The following MICAL2 variants were observed in gnomAD, a reference collection of about 807,000 sequenced individuals.
MICAL2 encodes the protein microtubule associated monooxygenase, calponin and LIM domain containing 2.
Under a neutral mutation model 127.3 loss-of-function variants are expected in MICAL2, and 77 were observed. The ratio of observed to expected loss-of-function variants is 0.60; its 90% CI spans 0.50 to 0.73. MICAL2 has a LOEUF of 0.73. Among genes scored for constraint, MICAL2 ranks in the 30% least tolerant of loss-of-function variants. MICAL2 has a pLI of 0.00. For synonymous variants in MICAL2, 570 were observed against 551.1 expected (o/e 1.03, Z -0.48); for missense variants, 1,351 against 1,434.4 (o/e 0.94, Z 0.94).
intron 31 of MICAL2, among the ~76,000 whole-genome samples, chr11:12,325,054 C>T (rs1214539369): frequency 6.6e-6 from 1 of 152,092 alleles, no homozygotes; most frequent in Non-Finnish European, 1.5e-5. Flanking sequence ...CTGCTGGCAC[C>T]CATAGCAGCC....
intron 1 of MICAL2, among the ~76,000 whole-genome samples, chr11:12,277,384 C>T (rs1125743): frequency 6.6e-6 from 1 of 151,822 alleles, no homozygotes; most frequent in Non-Finnish European, 1.5e-5. Context: ...ATAGGCTGCT[C>T]TCTTTAGGGG....
intron 3 of MICAL2, 93 bp downstream of exon 3, chr11:12,162,512 T>C: frequency 6.9e-7 from 1 of 1,441,164 alleles, no homozygotes; most frequent in Non-Finnish European, 9.5e-7. Context: ...CACTCTACGG[T>C]TCTTAGGTGT....
At chr11:12,122,615 G>T (rs765833127) in intron 1 of MICAL2, among the ~76,000 whole-genome samples, 3 of 151,980 alleles carry the variant, frequency 2.0e-5, no homozygotes, top group Admixed American at 2.0e-4. Flanking sequence ...CTCCATGTTG[G>T]CCAGGCTGAT....
chr11:12,168,617 T>A (rs866240127), intron 3 of MICAL2, among the ~76,000 whole-genome samples: 1 of 151,674 alleles, frequency 6.6e-6, no homozygotes, highest in Middle Eastern at 3.2e-3. Flanking sequence ...CCCATACTTA[T>A]CTATATATTT....
At chr11:12,248,810 C>G (rs1861133201) in intron 21 of MICAL2, among the ~76,000 whole-genome samples, 1 of 46,374 alleles carries the variant, frequency 2.2e-5, no homozygotes, top group South Asian at 7.2e-4. Flanking sequence ...CCTCACTGTT[C>G]CTCCTTCTAT....
At chr11:12,120,698 CAG>C (rs1181221638) in intron 1 of MICAL2, among the ~76,000 whole-genome samples, 1 of 152,218 alleles carries the variant, frequency 6.6e-6, no homozygotes, top group African/African-American at 2.4e-5. Context: ...AGGGCACAGT[CAG>C]GGTACCATGT....
chr11:12,149,328 G>C (rs1483769036), intron 2 of MICAL2, among the ~76,000 whole-genome samples: 2 of 152,182 alleles, frequency 1.3e-5, no homozygotes, highest in African/African-American at 4.8e-5. Context: ...CCATTAAGAT[G>C]TTTGGACTTC....
chr11:12,176,439 G>T (rs969330158), intron 3 of MICAL2, among the ~76,000 whole-genome samples: 1 of 152,042 alleles, frequency 6.6e-6, no homozygotes, highest in African/African-American at 2.4e-5. Flanking sequence ...ACCGTTAATC[G>T]CCTCCTTCTA....
rs189379900 is a variant in MICAL2, at chr11:12,358,261, C to T, written c.5690-34C>T. ...AAGAACTCTGCCGGGGCCCAATCTT[C>T]TCTGAGCCCAGTGGTTTTCTTTTTT... is the stretch of plus-strand genomic sequence containing the variant. On this transcript the variant is annotated intron_variant, in intron 34 of 34. Coordinates refer to the MICAL2 transcript ENST00000646065. 1.6e-5 allele frequency: 26 copies of T among 1,604,362 alleles called. No homozygotes were observed. The Admixed American group carries it at 4.4e-4, about 27-fold the overall frequency.
chr11:12,320,103 A>G (rs896569846), intron 30 of MICAL2, among the ~76,000 whole-genome samples: 2 of 152,250 alleles, frequency 1.3e-5, no homozygotes, highest in African/African-American at 2.4e-5. Context: ...TATGTGGTCC[A>G]ACAAGCAAAC....
chr11:12,213,558 T>G, intron 7 of MICAL2, 148 bp downstream of exon 7: 2 of 729,312 alleles, frequency 2.7e-6, no homozygotes, highest in South Asian at 4.8e-5. Context: ...CCTAGGATAG[T>G]GAATACAGAC....
At chr11:12,233,750 T>C (rs11022256) in intron 15 of MICAL2, among the ~76,000 whole-genome samples, 40,842 of 152,248 alleles carry the variant, frequency 0.27, 6,529 homozygotes, top group East Asian at 0.51. Flanking sequence ...TATTCTCATG[T>C]TCTCTTTGGG....
intron 6 of MICAL2, among the ~76,000 whole-genome samples, chr11:12,211,630 G>C (rs1381437847): frequency 6.6e-6 from 1 of 152,184 alleles, no homozygotes; most frequent in Non-Finnish European, 1.5e-5. Context: ...GCAAGATGGG[G>C]GACTAGGAGG....
chr11:12,332,281 G>T (rs1373552763), intron 32 of MICAL2, among the ~76,000 whole-genome samples: 1 of 152,200 alleles, frequency 6.6e-6, no homozygotes, highest in African/African-American at 2.4e-5. Flanking sequence ...TCCATCATTA[G>T]ACATGGCTGG....
intron 3 of MICAL2, among the ~76,000 whole-genome samples, chr11:12,176,508 A>G (rs1856857884): frequency 6.6e-6 from 1 of 152,176 alleles, no homozygotes; most frequent in Non-Finnish European, 1.5e-5. Flanking sequence ...AAAATTGACC[A>G]TTTTAACCAT....
At chr11:12,356,359 G>A (rs1023328856) in intron 34 of MICAL2, among the ~76,000 whole-genome samples, 4 of 152,142 alleles carry the variant, frequency 2.6e-5, no homozygotes, top group Non-Finnish European at 5.9e-5. Context: ...GGAGATGCTC[G>A]GTCTCTTTGG....
chr11:12,165,151 AAAAAG>A (rs1350997659), intron 3 of MICAL2, among the ~76,000 whole-genome samples: 2,505 of 128,204 alleles, frequency 0.02, 50 homozygotes, highest in African/African-American at 0.06. Context: ...AAAAAAAAAA[AAAAAG>A]AAAAGAAAGA....
chr11:12,259,322 TG>T (rs1281152278), intron 25 of MICAL2, among the ~76,000 whole-genome samples: 3 of 152,226 alleles, frequency 2.0e-5, no homozygotes, highest in Non-Finnish European at 4.4e-5. Flanking sequence ...CTTCACTAAC[TG>T]TATATCAAGA....
At chr11:12,301,418 G>GT (rs1479200787) in intron 29 of MICAL2, among the ~76,000 whole-genome samples, 2 of 152,132 alleles carry the variant, frequency 1.3e-5, no homozygotes, top group African/African-American at 4.8e-5. Context: ...CATTGAGGTT[G>GT]TTTTCAGTTG....
Sources: allele counts gnomAD v4.1 joint callset (sites outside exome capture counted in the v4.1 genomes callset), GRCh38; gene constraint gnomAD v4.1.1; transcripts MANE v1.5; gene names NCBI Gene and HGNC (gene_info 2026-07-23, HGNC 2026-07-21).